The following HMBOX1 variants were observed in gnomAD, a reference collection of about 807,000 sequenced individuals.
The protein encoded by HMBOX1 is homeobox containing 1, also known as homeobox-containing protein 1.
A neutral mutation model predicts 54.5 loss-of-function variants in HMBOX1; 14 were observed. That is an observed-to-expected ratio of 0.26 (90% CI 0.17 to 0.40). The LOEUF is 0.40. Among genes scored for constraint, HMBOX1 ranks in the 10% least tolerant of loss-of-function variants. HMBOX1 has a pLI of 1.00. For missense variants in HMBOX1, 332 were observed against 514.4 expected, an observed-to-expected ratio of 0.65 and a Z score of 3.43; for synonymous variants, 160 against 181.0, an observed-to-expected ratio of 0.88 and a Z score of 0.93.
chr8:28,913,855 CTTTTTT>C (rs1304959910), intron 1 of HMBOX1, among the ~76,000 whole-genome samples: 3 of 101,338 alleles, frequency 3.0e-5, no homozygotes, highest in Admixed American at 1.0e-4. Context: ...TCAAGTGATT[CTTTTTT>C]TTTTTTTTTT....
At chr8:28,905,264 A>C (rs1455397448) in intron 1 of HMBOX1, among the ~76,000 whole-genome samples, 1 of 152,224 alleles carries the variant, frequency 6.6e-6, no homozygotes, top group Non-Finnish European at 1.5e-5. Context: ...AATTGTTTTC[A>C]AAGTGAGTTC....
chr8:29,010,688 C>A (rs1834112395), intron 5 of HMBOX1, among the ~76,000 whole-genome samples: 1 of 151,746 alleles, frequency 6.6e-6, no homozygotes, highest in Admixed American at 6.6e-5. Flanking sequence ...TACCACAGTC[C>A]TCATTATTAT....
At chr8:29,041,736 C>G (rs906255558) in intron 6 of HMBOX1, among the ~76,000 whole-genome samples, 3 of 151,838 alleles carry the variant, frequency 2.0e-5, no homozygotes, top group Non-Finnish European at 4.4e-5. Flanking sequence ...CACAGAGATG[C>G]AAGGAGTTTA....
chr8:29,048,854 TAC>T, intron 8 of HMBOX1, 98 bp from the exon 9 acceptor site: 2 of 775,428 alleles, frequency 2.6e-6, no homozygotes, highest in East Asian at 4.9e-5. Flanking sequence ...CTTGTTTAAT[TAC>T]ATTCTAATTA....
chr8:28,908,998 G>A (rs1171551085), intron 1 of HMBOX1, among the ~76,000 whole-genome samples: 1 of 151,744 alleles, frequency 6.6e-6, no homozygotes, highest in Non-Finnish European at 1.5e-5. Context: ...TACTCAGGAA[G>A]CTAAGGCAGG....
intron 2 of HMBOX1, among the ~76,000 whole-genome samples, chr8:28,968,444 C>T (rs1296986866): frequency 6.6e-6 from 1 of 152,214 alleles, no homozygotes; most frequent in Non-Finnish European, 1.5e-5. Flanking sequence ...AGGCTTAAAT[C>T]TTTTTCCTAC....
At chr8:28,893,626 G>A (rs1032316132) in intron 1 of HMBOX1, among the ~76,000 whole-genome samples, 36 of 152,060 alleles carry the variant, frequency 2.4e-4, no homozygotes, top group African/African-American at 8.7e-4. Flanking sequence ...TTAAAACATC[G>A]CTAATAGAAA....
At chr8:28,915,691 G>A (rs1469811262) in intron 1 of HMBOX1, 1 of 151,878 alleles carries the variant, frequency 6.6e-6, no homozygotes, top group Non-Finnish European at 1.5e-5. Context: ...CCCCTCCTTG[G>A]GCAACTTGGG....
At position 29,051,576 on chromosome 8, in the gene HMBOX1, C is replaced by G. The variant is rs754280839; in HGVS notation, c.*421C>G. The G allele has an allele frequency of 7.1e-6, 5 of 702,738 alleles. No individual in the cohort carries two copies. The African/African-American group carries it at 8.7e-5, about 12-fold the overall frequency. The allele number at this position is 702,738 out of a possible 1,614,324, so 43.5% of individuals were successfully genotyped here. A position where few individuals can be genotyped will look rare whatever the true frequency, so the allele number is the denominator to read the frequency against. ...AGACTGATAGGATGCAAGCTGAGGT[C>G]GTGGCACAGGAATGACAGACACCAT... On this transcript the variant is annotated 3_prime_UTR_variant, in exon 10 of 10. Transcript: ENST00000287701.
chr8:28,994,262 A>T (rs1831452084), intron 4 of HMBOX1, among the ~76,000 whole-genome samples: 1 of 152,104 alleles, frequency 6.6e-6, no homozygotes, highest in Admixed American at 6.5e-5. Context: ...TAGAGTAAGT[A>T]AAACAGAGTC....
intron 3 of HMBOX1, among the ~76,000 whole-genome samples, chr8:28,979,120 G>A (rs529258339): frequency 1.3e-5 from 2 of 152,206 alleles, no homozygotes; most frequent in Non-Finnish European, 2.9e-5. Flanking sequence ...TGTTAGATAA[G>A]AAGTTACCTC....
At chr8:28,897,103 G>A (rs1254369443) in intron 1 of HMBOX1, among the ~76,000 whole-genome samples, 23 of 151,562 alleles carry the variant, frequency 1.5e-4, no homozygotes, top group Non-Finnish European at 5.9e-5. Flanking sequence ...TCCTGCCTCA[G>A]CCTTCCTGAG....
intron 2 of HMBOX1, 29 bp downstream of exon 2, chr8:28,963,919 T>A: frequency 6.5e-7 from 1 of 1,542,638 alleles, no homozygotes; most frequent in Non-Finnish European, 8.9e-7. Flanking sequence ...TTGATTTTTA[T>A]CTTCACAATC....
intron 4 of HMBOX1, among the ~76,000 whole-genome samples, chr8:28,984,272 C>G (rs963147302): frequency 6.6e-6 from 1 of 152,174 alleles, no homozygotes; most frequent in East Asian, 1.9e-4. Flanking sequence ...ACAACAAGTT[C>G]TCTTAAAAAG....
At chr8:28,945,802 G>T (rs1357460370) in intron 1 of HMBOX1, among the ~76,000 whole-genome samples, 10 of 145,896 alleles carry the variant, frequency 6.9e-5, no homozygotes, top group South Asian at 2.2e-4. Context: ...TGGGGAAAAG[G>T]TTTTTTTTTT....
intron 6 of HMBOX1, among the ~76,000 whole-genome samples, chr8:29,028,111 C>T (rs530035431): frequency 1.3e-5 from 2 of 152,054 alleles, no homozygotes; most frequent in Admixed American, 1.3e-4. Flanking sequence ...AAATATTCTC[C>T]CGGGCAAGGA....
rs1286367364 is a variant in HMBOX1, at chr8:28,949,247, A to G, written c.-57-14564A>G. On this transcript the variant is annotated intron_variant, in intron 1 of 9. Transcript: ENST00000287701. The stretch of plus-strand genomic sequence containing the variant: ...CAACTCTGGAGAGCTGTCATGGGCT[A>G]AGCAACATAGAGATGTTGATCTGGA... Among the ~76,000 whole-genome samples the G allele has an allele frequency of 2.6e-5, 4 of 152,194 alleles. No homozygotes were observed. In the East Asian group the frequency reaches 7.7e-4, roughly 29 times the overall value.
chr8:28,955,139 C>T (rs987628527), intron 1 of HMBOX1, among the ~76,000 whole-genome samples: 3 of 152,164 alleles, frequency 2.0e-5, no homozygotes, highest in African/African-American at 7.2e-5. Flanking sequence ...ATAATTTTAT[C>T]AAATATGCAT....
In HMBOX1 at chr8:28,970,147, T is replaced by C; in HGVS notation, c.128T>C (p.Ile43Thr). The C allele has an allele frequency of 1.9e-6, 3 of 1,614,134 alleles. No individual in the cohort carries two copies. Among genetic ancestry groups the C allele is most frequent in the Non-Finnish European group, 2.5e-6 (3 of 1,179,990 alleles). Reference sequence around the variant, plus strand: ...CGTACTGGAATGACTAAACATGAAATTCTCCATGCCTTGGAAACTTTGGAC... The same window carrying C: ...CGTACTGGAATGACTAAACATGAAACTCTCCATGCCTTGGAAACTTTGGAC... ...LRRTGMTKHEILHALETLDRL... is the reference protein window; with the variant it reads ...LRRTGMTKHETLHALETLDRL... Residue 43 changes from isoleucine (I) to threonine (T), a missense_variant, in exon 3 of 10, where the codon ATT (isoleucine) becomes ACT (threonine). Physicochemically the swap from Ile to Thr is moderately conservative, Grantham distance 89. This residue lies in a region of HMBOX1 where 146 missense variants were observed against 173.3 expected (regional missense o/e 0.84). Transcript: ENST00000287701. This position sits in a 1 kb window ranked among gnomAD's most constrained non-coding sequence, Gnocchi z 4.3.
Sources: gnomAD v4.1 joint callset for allele counts (sites outside exome capture counted in the v4.1 genomes callset) on GRCh38, gnomAD v4.1.1 for gene constraint, gnomAD v4.1.1 regional missense constraint, Gnocchi (gnomAD v3.1) non-coding constraint, MANE v1.5 for transcripts, NCBI Gene and HGNC (gene_info 2026-07-23, HGNC 2026-07-21) for gene names.